LARGE1: variants seen among roughly 807,000 people sequenced by gnomAD.
LARGE1 encodes LARGE xylosyl- and glucuronyltransferase 1.
Under a neutral mutation model 87.6 loss-of-function variants are expected in LARGE1, and 43 were observed. That is an observed-to-expected ratio of 0.49 (90% CI 0.38 to 0.63). LARGE1 has a LOEUF of 0.63. Among genes scored for constraint, LARGE1 ranks in the 30% least tolerant of loss-of-function variants. The probability of loss-of-function intolerance (pLI) is 0.00; values close to 1 mark genes in which losing one functional copy is unlikely to be tolerated. For synonymous variants in LARGE1, 434 were observed against 394.6 expected, an observed-to-expected ratio of 1.10 and a Z score of -1.18; for missense variants, 802 against 1,000.2, an observed-to-expected ratio of 0.80 and a Z score of 2.67.
intron 6 of LARGE1, among the ~76,000 whole-genome samples, chr22:33,535,549 GA>G (rs376380069): frequency 0.053 from 6,642 of 124,550 alleles, 481 homozygotes; most frequent in African/African-American, 0.18. Context: ...AAAAACAAAA[GA>G]AAAAAAAAAA....
In LARGE1 at chr22:33,384,172, C is replaced by T; in HGVS notation, c.1005+20G>A. On this transcript the variant is annotated intron_variant, in intron 8 of 14. Coordinates refer to ENST00000397394, the MANE Select transcript of LARGE1 (RefSeq NM_133642.5). Reference sequence around the variant, plus strand: ...CAAGCACACTCAGGAATAGCTGCACCTTCGAACCTGGCCACTCACCTGGTC... The same window carrying T: ...CAAGCACACTCAGGAATAGCTGCACTTTCGAACCTGGCCACTCACCTGGTC... The T allele has an allele frequency of 6.4e-6, 10 of 1,563,810 alleles. No homozygotes were observed. Among genetic ancestry groups the T allele is most frequent in the Non-Finnish European group, 8.8e-6 (10 of 1,134,206 alleles).
chr22:33,385,760 G>A (rs2065302690), intron 7 of LARGE1, among the ~76,000 whole-genome samples: 1 of 147,962 alleles, frequency 6.8e-6, no homozygotes, highest in African/African-American at 2.5e-5. Flanking sequence ...AATTTGGTGG[G>A]TGGAACTGTA....
chr22:33,653,193 C>T (rs962433469), intron 2 of LARGE1, among the ~76,000 whole-genome samples: 8 of 152,212 alleles, frequency 5.3e-5, no homozygotes, highest in Non-Finnish European at 8.8e-5. Context: ...CATGGATCTG[C>T]ACCACGCTAG....
At chr22:33,094,870 C>T in the LARGE1 span, among the ~76,000 whole-genome samples, 5 of 152,182 alleles carry the variant, frequency 3.3e-5, no homozygotes, top group African/African-American at 1.2e-4. Flanking sequence ...AGGCATGCAC[C>T]ACCACACCTG....
At chr22:33,232,053 G>A (rs1486043024) in intron 11 of LARGE1, among the ~76,000 whole-genome samples, 3 of 152,166 alleles carry the variant, frequency 2.0e-5, no homozygotes, top group Non-Finnish European at 4.4e-5. Flanking sequence ...TTCACAGCCA[G>A]TTAGCAGAGG....
chr22:33,499,371 G>A (rs2070321466), intron 6 of LARGE1, among the ~76,000 whole-genome samples: 3 of 152,194 alleles, frequency 2.0e-5, no homozygotes, highest in Admixed American at 2.0e-4. Context: ...AAGGCAGATG[G>A]CAATTATCCA....
At chr22:33,851,582 G>A (rs566746991) in intron 1 of LARGE1, among the ~76,000 whole-genome samples, 1 of 152,322 alleles carries the variant, frequency 6.6e-6, no homozygotes, top group African/African-American at 2.4e-5. Context: ...TCCAGTTAAA[G>A]ACTACCAGGA....
intron 11 of LARGE1, among the ~76,000 whole-genome samples, chr22:33,175,603 T>C (rs898315335): frequency 4.6e-5 from 7 of 152,078 alleles, no homozygotes; most frequent in Admixed American, 2.0e-4. Flanking sequence ...AAAAGGGATG[T>C]GAAGGACCTC....
chr22:33,866,182 T>A (rs1224279826), intron 1 of LARGE1, among the ~76,000 whole-genome samples: 1 of 152,008 alleles, frequency 6.6e-6, no homozygotes, highest in East Asian at 1.9e-4. Flanking sequence ...TGCTGCCAGA[T>A]GACACTCATA....
intron 2 of LARGE1, among the ~76,000 whole-genome samples, chr22:33,663,843 T>G (rs1444040343): frequency 1.3e-5 from 2 of 152,232 alleles, no homozygotes; most frequent in African/African-American, 2.4e-5. Context: ...GGGCTGGCAG[T>G]TGGAATAAGC....
chr22:33,870,339 T>C (rs942903610), intron 1 of LARGE1, among the ~76,000 whole-genome samples: 1 of 152,210 alleles, frequency 6.6e-6, no homozygotes, highest in Non-Finnish European at 1.5e-5. Flanking sequence ...TTTTGAGCCA[T>C]CCAGTTTGTT....
intron 2 of LARGE1, among the ~76,000 whole-genome samples, chr22:33,681,096 C>G (rs745792368): frequency 1.3e-5 from 2 of 152,120 alleles, no homozygotes; most frequent in Non-Finnish European, 2.9e-5. Context: ...CTGCCAGTTC[C>G]AACACACTTT....
intron 2 of LARGE1, among the ~76,000 whole-genome samples, chr22:33,683,286 G>C (rs895093901): frequency 6.6e-6 from 1 of 152,210 alleles, no homozygotes; most frequent in Non-Finnish European, 1.5e-5. Flanking sequence ...GAATAAAAAG[G>C]CTGAGTAAAA....
chr22:33,412,954 C>T (rs1215333586), intron 7 of LARGE1, among the ~76,000 whole-genome samples: 3 of 152,194 alleles, frequency 2.0e-5, no homozygotes, highest in Non-Finnish European at 4.4e-5. Flanking sequence ...AGCCACCGTG[C>T]CCGGCCTTGA....
the LARGE1 span, among the ~76,000 whole-genome samples, chr22:33,067,190 C>A: frequency 2.0e-5 from 3 of 152,030 alleles, no homozygotes; most frequent in Admixed American, 2.0e-4. Flanking sequence ...ATCTGGACTT[C>A]AGAGGAGTAA....
chr22:33,373,248 A>G (rs2064878594), intron 9 of LARGE1, among the ~76,000 whole-genome samples: 1 of 152,178 alleles, frequency 6.6e-6, no homozygotes, highest in African/African-American at 2.4e-5. Flanking sequence ...TTCATCCCCT[A>G]TGTTAGAACA....
chr22:33,350,638 G>A (rs17723309), intron 9 of LARGE1, among the ~76,000 whole-genome samples: 7,301 of 152,234 alleles, frequency 0.048, 232 homozygotes, highest in Non-Finnish European at 0.074. Context: ...GGTGGGCACC[G>A]TAGGATTCGC....
chr22:33,313,453 A>G (rs1044934824), intron 11 of LARGE1, among the ~76,000 whole-genome samples: 2 of 152,280 alleles, frequency 1.3e-5, no homozygotes, highest in East Asian at 3.9e-4. Flanking sequence ...GCAGAGTTCT[A>G]TGAGGGACCC....
intron 11 of LARGE1, among the ~76,000 whole-genome samples, chr22:33,201,450 A>AG (rs71187252): frequency 0.48 from 55,462 of 114,986 alleles, 10,742 homozygotes; most frequent in Non-Finnish European, 0.53. Flanking sequence ...GAAGGAAGGG[A>AG]GGAGAAAAGA....
Sources: gnomAD v4.1 joint callset for allele counts (sites outside exome capture counted in the v4.1 genomes callset) on GRCh38, gnomAD v4.1.1 for gene constraint, MANE v1.5 for transcripts, NCBI Gene and HGNC (gene_info 2026-07-23, HGNC 2026-07-21) for gene names.